The following HEPH variants were observed in gnomAD, a reference collection of about 807,000 sequenced individuals.
HEPH encodes the protein hephaestin.
A neutral mutation model predicts 80.8 loss-of-function variants in HEPH; 69 were observed. That is an observed-to-expected ratio of 0.85 (90% CI 0.70 to 1.04). The LOEUF (loss-of-function observed/expected upper bound fraction) is 1.04. HEPH is among the 50% of genes least tolerant of loss of function. The pLI is 0.00. For synonymous variants in HEPH, 431 were observed against 322.8 expected (o/e 1.34, Z -3.60); for missense variants, 1,115 against 891.3 (o/e 1.25, Z -3.20).
chrX:66,244,318 T>A (rs1379874431), intron 15 of HEPH, among the ~76,000 whole-genome samples: 1 of 111,914 alleles, frequency 8.9e-6, no homozygotes, highest in East Asian at 2.8e-4. Flanking sequence ...AGTCATAGAT[T>A]TGGTATCTTT....
At chrX:66,162,925 T>C (rs931682856), upstream of HEPH, 20 of 1,089,098 alleles carry the variant, frequency 1.8e-5, no homozygotes, top group African/African-American at 3.2e-4. Context: ...CCCCTTCCTA[T>C]ACCTGGGTCT....
intron 4 of HEPH, among the ~76,000 whole-genome samples, chrX:66,180,152 AT>A (rs991054063): frequency 2.5e-4 from 27 of 106,834 alleles, no homozygotes; most frequent in African/African-American, 9.2e-4. Context: ...TTTTTTTTTT[AT>A]TTTTTTGTTT....
intron 4 of HEPH, among the ~76,000 whole-genome samples, chrX:66,186,158 T>C (rs757080422): frequency 1.2e-5 from 1 of 86,755 alleles, no homozygotes; most frequent in South Asian, 6.2e-4. Context: ...GTCTTTTTGT[T>C]TGTCTGTGCC....
At chrX:66,260,609 C>T (rs2091330620) in intron 19 of HEPH, among the ~76,000 whole-genome samples, 1 of 112,147 alleles carries the variant, frequency 8.9e-6, no homozygotes, top group African/African-American at 3.2e-5. Flanking sequence ...ATAAATTTAA[C>T]TTATATACAA....
intron 15 of HEPH, among the ~76,000 whole-genome samples, chrX:66,228,631 T>A (rs1445185753): frequency 8.9e-6 from 1 of 111,835 alleles, no homozygotes; most frequent in Non-Finnish European, 1.9e-5. Context: ...AATCTATACA[T>A]CTGACAAAGT....
In HEPH at chrX:66,203,489, T is replaced by G; in HGVS notation, c.2203T>G (p.Tyr735Asp). Reference sequence around the variant, plus strand: ...CCAACGCTACCAAGCTGCAAGAATCTACTATATCATGGCAGAAGAAGTAGA... The same window carrying G: ...CCAACGCTACCAAGCTGCAAGAATCGACTATATCATGGCAGAAGAAGTAGA... ...PRQRYQAARI[Y>D]YIMAEEVEWD... The change falls in exon 13 of 21, where the codon TAC (tyrosine) becomes GAC (aspartate). Residue 735 changes from tyrosine to aspartate, a missense_variant. By Grantham distance (160) the Tyr-to-Asp change is radical. Coordinates refer to ENST00000343002, the MANE Select transcript of HEPH (RefSeq NM_001367233.3). 1 of 1,211,573 alleles carries G rather than the reference T, an allele frequency of 8.3e-7. No homozygotes were observed. The highest frequency in any genetic ancestry group is 1.1e-6 in the Non-Finnish European group (1 of 895,390).
At chrX:66,237,934 T>C (rs1296970806) in intron 15 of HEPH, among the ~76,000 whole-genome samples, 1 of 112,218 alleles carries the variant, frequency 8.9e-6, no homozygotes. Flanking sequence ...AAACTTGGAT[T>C]GCAACCCCTG....
In HEPH at chrX:66,172,337, C is replaced by A; in HGVS notation, c.168-18C>A. On this transcript the variant is annotated intron_variant, in intron 2 of 20. Coordinates refer to ENST00000343002, the MANE Select transcript of HEPH (RefSeq NM_001367233.3). The stretch of plus-strand genomic sequence containing the variant: ...GAAGATGGGGGGCAAAATTATGACT[C>A]TTTTTCTTCTTTCCCAGAGTGGCTT... 8.5e-7 allele frequency: 1 copy of A among 1,172,569 alleles called. No individual in the cohort carries two copies.
intron 20 of HEPH, among the ~76,000 whole-genome samples, chrX:66,265,585 G>T (rs1034761889): frequency 1.8e-5 from 2 of 110,919 alleles, no homozygotes; most frequent in Non-Finnish European, 3.8e-5. Context: ...AGGTACAGGC[G>T]CTTGGAAAAC....
At chrX:66,186,801 T>C (rs1214414555) in intron 4 of HEPH, among the ~76,000 whole-genome samples, 2 of 112,449 alleles carry the variant, frequency 1.8e-5, no homozygotes, top group Non-Finnish European at 3.8e-5. Context: ...TTTCCCCTAT[T>C]GCTCCTCCAA....
At chrX:66,257,263 A>T (rs755413540) in intron 17 of HEPH, among the ~76,000 whole-genome samples, 2 of 111,499 alleles carry the variant, frequency 1.8e-5, no homozygotes, top group Admixed American at 9.5e-5. Flanking sequence ...GGTCCTGTTA[A>T]TGCAGGGGTT....
intron 1 of HEPH, among the ~76,000 whole-genome samples, chrX:66,166,148 C>T (rs147092348): frequency 4.5e-5 from 5 of 111,642 alleles, no homozygotes; most frequent in African/African-American, 1.6e-4. Context: ...GGTGCCTGAA[C>T]GCTTTCCACT....
In HEPH at chrX:66,187,971, G is replaced by A. The variant is rs780366595; in HGVS notation, c.626-388G>A. Among the ~76,000 whole-genome samples, 191 of 111,927 alleles carry A rather than the reference G, an allele frequency of 1.7e-3. 2 individuals are homozygous for A. The highest frequency in any genetic ancestry group is 6.0e-3 in the African/African-American group (184 of 30,754). On this transcript the variant is annotated intron_variant, in intron 4 of 20. Transcript: ENST00000343002. ...CGCATTGAAATCAGATATGTAGTAAGAGTTTAGATATGGATAAGATTGAAA... is the reference window on the plus strand; with the variant it reads ...CGCATTGAAATCAGATATGTAGTAAAAGTTTAGATATGGATAAGATTGAAA...
intron 4 of HEPH, among the ~76,000 whole-genome samples, chrX:66,180,518 T>C (rs1409179723): frequency 9.0e-6 from 1 of 110,809 alleles, no homozygotes; most frequent in Non-Finnish European, 1.9e-5. Context: ...GACCTGGTGT[T>C]TTTGTCTCAC....
chrX:66,186,304 C>T (rs1185185684), intron 4 of HEPH, among the ~76,000 whole-genome samples: 2 of 105,724 alleles, frequency 1.9e-5, no homozygotes, highest in East Asian at 3.0e-4. Flanking sequence ...CCCCCAGCCT[C>T]GTTGCCGCCT....
chrX:66,198,784 A>C, intron 10 of HEPH, 94 bp from the exon 11 acceptor site: 2 of 676,333 alleles, frequency 3.0e-6, no homozygotes, highest in Admixed American at 5.5e-5. Flanking sequence ...GGAAATGGGA[A>C]AGAATCTGGC....
rs192489861 is a variant in HEPH, at chrX:66,225,917, C to T, written c.2563+17671C>T. On this transcript the variant is annotated intron_variant, in intron 15 of 20. Coordinates refer to ENST00000343002, the MANE Select transcript of HEPH (RefSeq NM_001367233.3). Reference sequence around the variant, plus strand: ...AAGGGTTTTATTCGGCCGGGAGCTTCGGCAAGACTCATGTCTCCAACAACT... The same window carrying T: ...AAGGGTTTTATTCGGCCGGGAGCTTTGGCAAGACTCATGTCTCCAACAACT... Among the ~76,000 whole-genome samples the T allele has an allele frequency of 1.4e-4, 16 of 112,224 alleles. No individual in the cohort carries two copies. The South Asian group carries it at 3.3e-3, about 23-fold the overall frequency.
chrX:66,197,733 C>A lies in HEPH; in HGVS notation c.1552C>A (p.Arg518Ser), dbSNP rs777516101. The change falls in exon 10 of 21, where the codon CGC becomes AGC. Residue 518 changes from arginine to serine, a missense_variant. Transcript: ENST00000343002. Reference protein sequence around the residue: ...VAKPFEKVTYRWTVPPHAGPT... With the variant: ...VAKPFEKVTYSWTVPPHAGPT... Reference sequence around the variant, plus strand: ...CAAGCCCTTTGAGAAAGTAACATACCGCTGGACAGTCCCCCCTCATGCCGG... The same window carrying A: ...CAAGCCCTTTGAGAAAGTAACATACAGCTGGACAGTCCCCCCTCATGCCGG... 1.7e-6 allele frequency: 2 copies of A among 1,211,513 alleles called. No homozygotes were observed. The highest frequency in any genetic ancestry group is 1.8e-5 in the South Asian group (1 of 57,003).
chrX:66,179,318 T>A (rs142249679), intron 4 of HEPH, among the ~76,000 whole-genome samples: 8,402 of 111,631 alleles, frequency 0.075, 777 homozygotes, highest in African/African-American at 0.26. Flanking sequence ...TCTGTTTTGG[T>A]ACCAGTACCA....
Sources: allele counts gnomAD v4.1 joint callset (sites outside exome capture counted in the v4.1 genomes callset), GRCh38; gene constraint gnomAD v4.1.1; transcripts MANE v1.5; gene names NCBI Gene and HGNC (gene_info 2026-07-23, HGNC 2026-07-21).